RNGTT: variants seen among roughly 807,000 people sequenced by gnomAD.
RNGTT encodes the protein mRNA-capping enzyme.
In RNGTT, 33 loss-of-function variants were observed where a neutral mutation model predicts 79.3. The observed-to-expected ratio is 0.42, with a 90% confidence interval of 0.32 to 0.56. The LOEUF (loss-of-function observed/expected upper bound fraction) is 0.56, where lower values mean the gene tolerates loss of function less well. RNGTT is among the 20% of genes least tolerant of loss of function. The pLI, the probability that RNGTT is intolerant of heterozygous loss-of-function variation, is 0.17. For missense variants in RNGTT, 497 were observed against 739.1 expected (o/e 0.67, Z 3.80); for synonymous variants, 222 against 235.9 (o/e 0.94, Z 0.54).
chr6:88,646,785 T>C (rs1428921506), intron 14 of RNGTT, among the ~76,000 whole-genome samples: 1 of 151,460 alleles, frequency 6.6e-6, no homozygotes, highest in Non-Finnish European at 1.5e-5. Context: ...TAGCTGGGAA[T>C]CGAACAATGA....
chr6:88,652,826 T>C (rs1328140512), intron 14 of RNGTT, among the ~76,000 whole-genome samples: 1 of 152,176 alleles, frequency 6.6e-6, no homozygotes, highest in Non-Finnish European at 1.5e-5. Context: ...TTTACTGTTG[T>C]GCCTGCATTT....
At chr6:88,642,959 G>C (rs948296022) in intron 14 of RNGTT, among the ~76,000 whole-genome samples, 2 of 152,150 alleles carry the variant, frequency 1.3e-5, no homozygotes, top group Admixed American at 1.3e-4. Context: ...TGAAAATAAT[G>C]TCAAAGATTA....
At chr6:88,619,230 G>A (rs1440054603) in intron 14 of RNGTT, among the ~76,000 whole-genome samples, 1 of 151,700 alleles carries the variant, frequency 6.6e-6, no homozygotes. Context: ...CAGTGGTGCG[G>A]TCACAGCTCA....
intron 11 of RNGTT, among the ~76,000 whole-genome samples, chr6:88,836,090 T>A (rs973386469): frequency 2.4e-4 from 36 of 149,012 alleles, no homozygotes; most frequent in South Asian, 2.1e-3. Flanking sequence ...GATTTACATA[T>A]ATATATATGA....
At chr6:88,630,086 C>T (rs1216327001) in intron 14 of RNGTT, among the ~76,000 whole-genome samples, 1 of 152,150 alleles carries the variant, frequency 6.6e-6, no homozygotes, top group Non-Finnish European at 1.5e-5. Flanking sequence ...CTGTGGTAGA[C>T]TGTTGGGCCA....
chr6:88,949,542 G>A (rs1007209529), intron 1 of RNGTT, among the ~76,000 whole-genome samples: 10 of 152,076 alleles, frequency 6.6e-5, no homozygotes, highest in Non-Finnish European at 1.0e-4. Flanking sequence ...GATTACAGAC[G>A]TGAGCCACCA....
intron 8 of RNGTT, among the ~76,000 whole-genome samples, chr6:88,883,495 T>C (rs1349588074): frequency 6.6e-6 from 1 of 152,214 alleles, no homozygotes; most frequent in Non-Finnish European, 1.5e-5. Flanking sequence ...GATGACATAC[T>C]TCCAAGTGGA....
At chr6:88,697,889 G>C (rs537905143) in intron 13 of RNGTT, among the ~76,000 whole-genome samples, 234 of 76,984 alleles carry the variant, frequency 3.0e-3, no homozygotes, top group African/African-American at 0.021. Context: ...ATATATATAT[G>C]ATATATATAT....
chr6:88,753,391 T>C (rs1777902609), intron 13 of RNGTT, among the ~76,000 whole-genome samples: 2 of 151,654 alleles, frequency 1.3e-5, no homozygotes, highest in Admixed American at 1.3e-4. Context: ...TAGTCCCAGC[T>C]ACTCAGGAGC....
intron 1 of RNGTT, among the ~76,000 whole-genome samples, chr6:88,960,114 T>C (rs1397906623): frequency 6.6e-6 from 1 of 152,182 alleles, no homozygotes; most frequent in African/African-American, 2.4e-5. Context: ...TATACCACAA[T>C]AGAGTCATTG....
intron 8 of RNGTT, among the ~76,000 whole-genome samples, chr6:88,887,507 T>C (rs1782905742): frequency 6.6e-6 from 1 of 152,194 alleles, no homozygotes; most frequent in Non-Finnish European, 1.5e-5. Flanking sequence ...CAGAAAAAAG[T>C]ATCCTAAAAC....
chr6:88,797,544 G>A (rs1779637641), intron 12 of RNGTT, among the ~76,000 whole-genome samples: 1 of 151,944 alleles, frequency 6.6e-6, no homozygotes, highest in Non-Finnish European at 1.5e-5. Context: ...GCCTTCAAAT[G>A]AAAAATGGAC....
At chr6:88,743,393 T>G (rs1360126437) in intron 13 of RNGTT, among the ~76,000 whole-genome samples, 5 of 152,144 alleles carry the variant, frequency 3.3e-5, no homozygotes, top group African/African-American at 1.2e-4. Context: ...AATACATTCA[T>G]AATGTCATAC....
chr6:88,731,032 C>A (rs1462953650), intron 13 of RNGTT, among the ~76,000 whole-genome samples: 2 of 152,142 alleles, frequency 1.3e-5, no homozygotes, highest in East Asian at 3.9e-4. Context: ...TTCCCCTCCC[C>A]TCCCTGACAC....
intron 13 of RNGTT, among the ~76,000 whole-genome samples, chr6:88,767,009 ATTTATT>A (rs1778483947): frequency 6.6e-6 from 1 of 152,128 alleles, no homozygotes; most frequent in Non-Finnish European, 1.5e-5. Flanking sequence ...ATATAAACTC[ATTTATT>A]CAGTAAAGAC....
At chr6:88,845,453 T>C (rs993186487) in intron 10 of RNGTT, among the ~76,000 whole-genome samples, 4 of 152,236 alleles carry the variant, frequency 2.6e-5, no homozygotes, top group Non-Finnish European at 5.9e-5. Context: ...AACACAGTTA[T>C]AACATATTAT....
At chr6:88,934,943 T>A (rs1345894391) in intron 2 of RNGTT, among the ~76,000 whole-genome samples, 5 of 152,186 alleles carry the variant, frequency 3.3e-5, no homozygotes, top group African/African-American at 1.2e-4. Flanking sequence ...TATCATCCCA[T>A]TTGTCTATTG....
At chr6:88,939,826 C>T (rs1052077076) in intron 2 of RNGTT, among the ~76,000 whole-genome samples, 1 of 151,326 alleles carries the variant, frequency 6.6e-6, no homozygotes. Flanking sequence ...AATCATGGCT[C>T]ACTACAGCCT....
At chr6:88,906,245 G>C in intron 5 of RNGTT, 120 bp downstream of exon 5, 2 of 636,848 alleles carry the variant, frequency 3.1e-6, no homozygotes, top group East Asian at 5.5e-5. Context: ...ATGAAAAGCA[G>C]TTCAAATTAC....
Sources: gnomAD v4.1 joint callset for allele counts (sites outside exome capture counted in the v4.1 genomes callset) on GRCh38, gnomAD v4.1.1 for gene constraint, MANE v1.5 for transcripts, NCBI Gene and HGNC (gene_info 2026-07-23, HGNC 2026-07-21) for gene names.